PCBP3: variants seen among roughly 807,000 people sequenced by gnomAD.
PCBP3 encodes poly(rC)-binding protein 3.
PCBP3 carries 25 observed loss-of-function variants against 52.7 expected under a neutral mutation model. The ratio of observed to expected loss-of-function variants is 0.47; its 90% confidence interval spans 0.35 to 0.66. PCBP3 has a LOEUF of 0.66. Ranked by LOEUF, PCBP3 falls within the 30% of genes least tolerant of loss-of-function variation. PCBP3 has a pLI of 0.01. For synonymous variants in PCBP3, 162 were observed against 183.0 expected (o/e 0.89, Z 0.93); for missense variants, 391 against 490.3 (o/e 0.80, Z 1.91).
chr21:45,923,576 C>T (rs989509536), intron 13 of PCBP3, among the ~76,000 whole-genome samples: 1 of 152,272 alleles, frequency 6.6e-6, no homozygotes, highest in African/African-American at 2.4e-5. Flanking sequence ...CCTCGGGCGA[C>T]TCACTGGCCC....
chr21:45,679,413 G>A (rs763680406), intron 2 of PCBP3, among the ~76,000 whole-genome samples: 94 of 152,086 alleles, frequency 6.2e-4, no homozygotes, highest in Admixed American at 1.9e-3. Context: ...GAGCCACCAC[G>A]CCTGGCCGCA....
rs575492306 is a variant in PCBP3, at chr21:45,914,259, C to A, written c.675+234C>A. ...CGGAATCATGTTCTCCCTCCCTGAC[C>A]CGGGCAGGAAGATCTGGCTCTGCCT... On this transcript the variant is annotated intron_variant, in intron 12 of 17. Coordinates refer to ENST00000681687, the MANE Select transcript of PCBP3 (RefSeq NM_001384156.1). 7.9e-6 allele frequency: 5 copies of A among 636,228 alleles called. No homozygotes were observed. In the East Asian group the frequency reaches 1.6e-4, roughly 20 times the overall value. 39.4% of individuals were successfully genotyped at this position (636,228 alleles called of 1,614,324 possible).
chr21:45,730,871 G>A (rs1317129500), intron 2 of PCBP3, among the ~76,000 whole-genome samples: 1 of 151,862 alleles, frequency 6.6e-6, no homozygotes, highest in Non-Finnish European at 1.5e-5. Flanking sequence ...GAGTTAACAT[G>A]TCACATTTTT....
At position 45,724,121 on chromosome 21, in the gene PCBP3, C is replaced by G. The variant is rs1255168614; in HGVS notation, c.-199-11271C>G. ...GAGAAATTCAGAGTCAAGGCTGTCC[C>G]CCTCCTGAAGTCAGATCCTTCCTGT... On this transcript the variant is annotated intron_variant, in intron 2 of 17. Coordinates refer to ENST00000681687, the MANE Select transcript of PCBP3 (RefSeq NM_001384156.1). This position sits in a 1 kb window ranked among gnomAD's most constrained non-coding sequence, Gnocchi z 5.3. 6.6e-6 allele frequency among the ~76,000 whole-genome samples: 1 copy of G among 152,180 alleles called. No homozygotes were observed. The highest frequency in any genetic ancestry group is 2.4e-5 in the African/African-American group (1 of 41,442).
intron 4 of PCBP3, among the ~76,000 whole-genome samples, chr21:45,757,724 G>A (rs942244564): frequency 2.0e-5 from 3 of 152,096 alleles, no homozygotes; most frequent in African/African-American, 7.2e-5. Context: ...GGGGTCCAGA[G>A]TCATTCTTTT....
At chr21:45,795,125 T>C (rs1196182614) in intron 4 of PCBP3, among the ~76,000 whole-genome samples, 1 of 152,156 alleles carries the variant, frequency 6.6e-6, no homozygotes, top group African/African-American at 2.4e-5. Flanking sequence ...CATAATTACA[T>C]AGCTGTGAAA....
intron 1 of PCBP3, among the ~76,000 whole-genome samples, chr21:45,651,610 G>T (rs761008343): frequency 1.3e-4 from 20 of 152,054 alleles, no homozygotes; most frequent in Admixed American, 5.2e-4. Context: ...ATTCCAAAGA[G>T]TGTCCCAGTT....
intron 3 of PCBP3, among the ~76,000 whole-genome samples, chr21:45,754,018 T>C (rs1275091628): frequency 1.3e-5 from 2 of 152,200 alleles, no homozygotes; most frequent in African/African-American, 4.8e-5. Flanking sequence ...AAAACTATTT[T>C]TAACTGAAAC....
intron 4 of PCBP3, among the ~76,000 whole-genome samples, chr21:45,775,541 C>T (rs574447476): frequency 3.8e-4 from 58 of 152,258 alleles, no homozygotes; most frequent in African/African-American, 1.3e-3. Flanking sequence ...CTCAGCTTCC[C>T]AAGTAGCTAG....
At position 45,911,049 on chromosome 21, in the gene PCBP3, G is replaced by T. The variant is rs145188940; in HGVS notation, c.600+19G>T. The T allele has an allele frequency of 1.2e-6, 2 of 1,606,234 alleles. No individual in the cohort carries two copies. The highest frequency in any genetic ancestry group is 1.7e-5 in the Admixed American group (1 of 60,004). On this transcript the variant is annotated intron_variant, in intron 11 of 17. Coordinates refer to ENST00000681687, the MANE Select transcript of PCBP3 (RefSeq NM_001384156.1). ...GCTGGAGGTACCGTCTGCGCGCCAG[G>T]GCCAGCCCACGTCAGTGCTGGATTT...
chr21:45,822,353 T>C (rs2147430226), intron 4 of PCBP3, among the ~76,000 whole-genome samples: 1 of 152,332 alleles, frequency 6.6e-6, no homozygotes, highest in Admixed American at 6.5e-5. Flanking sequence ...TTCTTTTAAA[T>C]GTTTCATGGT....
intron 4 of PCBP3, among the ~76,000 whole-genome samples, chr21:45,835,038 G>A (rs529837236): frequency 5.9e-4 from 90 of 152,210 alleles, no homozygotes; most frequent in Non-Finnish European, 9.8e-4. Flanking sequence ...CGCGAACGCC[G>A]CAGCAGCCTC....
chr21:45,930,156 G>C (rs561123940), intron 14 of PCBP3, among the ~76,000 whole-genome samples, 161 bp downstream of exon 14: 2 of 151,934 alleles, frequency 1.3e-5, no homozygotes, highest in South Asian at 2.1e-4. Context: ...GGCTGGGGCC[G>C]GGGACAGGGT....
At chr21:45,879,942 C>T (rs1205753179) in intron 5 of PCBP3, among the ~76,000 whole-genome samples, 1 of 151,576 alleles carries the variant, frequency 6.6e-6, no homozygotes, top group Non-Finnish European at 1.5e-5. Flanking sequence ...TAATCAAGAC[C>T]CAAACCCAAT....
chr21:45,891,848 GC>G (rs937247404), intron 5 of PCBP3, among the ~76,000 whole-genome samples: 2 of 152,202 alleles, frequency 1.3e-5, no homozygotes, highest in African/African-American at 4.8e-5. Flanking sequence ...CTCCTGCACA[GC>G]CCCGGGGCCT....
chr21:45,768,180 T>C (rs1278302001), intron 4 of PCBP3, among the ~76,000 whole-genome samples: 1 of 152,180 alleles, frequency 6.6e-6, no homozygotes, highest in Non-Finnish European at 1.5e-5. Context: ...GTGGGGTGCC[T>C]CTGTGTGTGG....
intron 2 of PCBP3, among the ~76,000 whole-genome samples, chr21:45,672,524 C>T (rs2081235442): frequency 6.6e-6 from 1 of 152,020 alleles, no homozygotes; most frequent in Non-Finnish European, 1.5e-5. Flanking sequence ...ATTCTAGTAG[C>T]TTCTGATCTA....
intron 13 of PCBP3, among the ~76,000 whole-genome samples, chr21:45,922,914 A>T (rs1281257423): frequency 6.6e-6 from 1 of 152,238 alleles, no homozygotes. Flanking sequence ...TCAAGCGGAC[A>T]CCAGTGTCTA....
chr21:45,800,169 C>G lies in PCBP3; in HGVS notation c.-126+44717C>G, dbSNP rs961945531. Among the ~76,000 whole-genome samples, 16 of 152,118 alleles carry G rather than the reference C, an allele frequency of 1.1e-4. No individual in the cohort carries two copies. ...ACAGAGTAATGGCTGCAGGTGGGGC[C>G]TTCCAGAGGCACAGGCTGAGGGGCC... On this transcript the variant is annotated intron_variant, in intron 4 of 17. Coordinates refer to ENST00000681687, the MANE Select transcript of PCBP3 (RefSeq NM_001384156.1). This position sits in a 1 kb window ranked among gnomAD's most constrained non-coding sequence, Gnocchi z 5.3.
Sources: allele counts gnomAD v4.1 joint callset (sites outside exome capture counted in the v4.1 genomes callset), GRCh38; gene constraint gnomAD v4.1.1; non-coding constraint Gnocchi (gnomAD v3.1); transcripts MANE v1.5; gene names NCBI Gene and HGNC (gene_info 2026-07-23, HGNC 2026-07-21).